The following TMEM33 variants were observed in gnomAD, a reference collection of about 807,000 sequenced individuals.
TMEM33 encodes the protein transmembrane protein 33.
TMEM33 carries 16 observed loss-of-function variants against 29.7 expected under a neutral mutation model. The observed-to-expected ratio is 0.54, with a 90% CI of 0.36 to 0.82. The LOEUF (loss-of-function observed/expected upper bound fraction) is 0.82, where lower values mean the gene tolerates loss of function less well. Among genes scored for constraint, TMEM33 ranks in the 40% least tolerant of loss-of-function variants. TMEM33 has a pLI of 0.00. For synonymous variants in TMEM33, 112 were observed against 109.4 expected (o/e 1.02, Z -0.15); for missense variants, 252 against 295.3 (o/e 0.85, Z 1.08).
chr4:41,935,909 G>T (rs965080046), intron 1 of TMEM33, among the ~76,000 whole-genome samples: 2 of 152,206 alleles, frequency 1.3e-5, no homozygotes, highest in African/African-American at 4.8e-5. Flanking sequence ...ACGAGTGCCG[G>T]CAAAGAACGT....
At chr4:41,951,071 T>C (rs1212757944) in intron 6 of TMEM33, among the ~76,000 whole-genome samples, 1 of 146,628 alleles carries the variant, frequency 6.8e-6, no homozygotes. Flanking sequence ...ACACTTTTTT[T>C]AATTAAAGGT....
In TMEM33 at chr4:41,956,338, C is replaced by T. The variant is rs1342591925; in HGVS notation, c.*2139C>T. On this transcript the variant is annotated 3_prime_UTR_variant, in exon 7 of 7. Coordinates refer to ENST00000504986, the MANE Select transcript of TMEM33 (RefSeq NM_018126.3). ...TTTGCATACCCTTTACTCAGGTCCT[C>T]TCATGTTAACGTTTTACATAACTGT... is the stretch of plus-strand genomic sequence containing the variant. 6.6e-6 allele frequency: 1 copy of T among 152,116 alleles called. No individual in the cohort carries two copies. Among genetic ancestry groups the T allele is most frequent in the Non-Finnish European group, 1.5e-5 (1 of 68,022 alleles). The allele number at this position is 152,116 out of a possible 1,614,324, so 9.4% of individuals were successfully genotyped here. A position where few individuals can be genotyped will look rare whatever the true frequency, so the allele number is the denominator to read the frequency against.
intron 1 of TMEM33, among the ~76,000 whole-genome samples, chr4:41,936,731 G>C (rs73153224): frequency 0.16 from 23,722 of 152,096 alleles, 2,342 homozygotes; most frequent in African/African-American, 0.28. Context: ...CTTGTTTACT[G>C]CCTTTTAATC....
chr4:41,946,045 CA>C (rs1362885621), intron 5 of TMEM33, among the ~76,000 whole-genome samples: 9 of 143,430 alleles, frequency 6.3e-5, no homozygotes, highest in Non-Finnish European at 1.1e-4. Flanking sequence ...TGTATGTTTT[CA>C]TAACCTAATT....
intron 2 of TMEM33, 116 bp from the exon 3 acceptor site, chr4:41,939,080 T>A: frequency 1.0e-6 from 1 of 978,108 alleles, no homozygotes; most frequent in Middle Eastern, 3.0e-4. Context: ...TTCATGTAAT[T>A]TTTTTCTATT....
rs1178076288 is a variant in TMEM33 at position 41,959,322 on chromosome 4, T to G, written c.*5123T>G. ...CATGGGTTCTTTAGAAGGAACATAG[T>G]CAAGTGTGATGGATTAACTCTATAT... On this transcript the variant is annotated 3_prime_UTR_variant, in exon 7 of 7. Transcript: ENST00000504986. The G allele has an allele frequency of 6.6e-6, 1 of 151,878 alleles. No individual in the cohort carries two copies. Among genetic ancestry groups the G allele is most frequent in the Non-Finnish European group, 1.5e-5 (1 of 67,908 alleles). 9.4% of individuals were successfully genotyped at this position (151,878 alleles called of 1,614,324 possible).
intron 6 of TMEM33, among the ~76,000 whole-genome samples, chr4:41,949,663 A>C (rs534138723): frequency 1.3e-5 from 2 of 152,192 alleles, no homozygotes; most frequent in Non-Finnish European, 2.9e-5. Flanking sequence ...TTCCACTCTC[A>C]ACTTTCCTAG....
At chr4:41,943,565 GTTTAC>G (rs1304068053) in intron 3 of TMEM33, among the ~76,000 whole-genome samples, 177 bp from the exon 4 acceptor site, 3 of 151,872 alleles carry the variant, frequency 2.0e-5, no homozygotes, top group Non-Finnish European at 4.4e-5. Flanking sequence ...AAATGAAATA[GTTTAC>G]TTTCTTCTTT....
chr4:41,952,250 ATT>A (rs1713073841), intron 6 of TMEM33, among the ~76,000 whole-genome samples: 3 of 152,210 alleles, frequency 2.0e-5, no homozygotes, highest in Non-Finnish European at 2.9e-5. Context: ...GTTTTGGAAA[ATT>A]ATGCATTACT....
chr4:41,945,731 G>T (rs1318495352), intron 5 of TMEM33, among the ~76,000 whole-genome samples: 1 of 152,066 alleles, frequency 6.6e-6, no homozygotes, highest in Non-Finnish European at 1.5e-5. Context: ...AGCATTTTGG[G>T]AGGCCAAAGT....
intron 6 of TMEM33, among the ~76,000 whole-genome samples, chr4:41,950,864 T>G (rs1450632685): frequency 6.6e-6 from 1 of 152,158 alleles, no homozygotes; most frequent in Non-Finnish European, 1.5e-5. Context: ...ATCATATTAG[T>G]ACATCTAGAA....
intron 1 of TMEM33, among the ~76,000 whole-genome samples, chr4:41,936,261 G>C (rs778651543): frequency 6.6e-6 from 1 of 152,194 alleles, no homozygotes; most frequent in African/African-American, 2.4e-5. Flanking sequence ...GCATCGATGG[G>C]CTGGCGCAGT....
rs1211739042 is a variant in TMEM33, at chr4:41,949,487, T to C, written c.614+102T>C. On this transcript the variant is annotated intron_variant, in intron 6 of 6. Coordinates refer to ENST00000504986, the MANE Select transcript of TMEM33 (RefSeq NM_018126.3). ...GTTACTTAGCTAATGTGTTAGACTT[T>C]AGAAGCAAGCAGTGTTTTTGTAAAT... The C allele has an allele frequency of 3.3e-6, 3 of 915,620 alleles. No homozygotes were observed. The East Asian group carries it at 8.1e-5, about 25-fold the overall frequency. The allele number at this position is 915,620 out of a possible 1,614,324, so 56.7% of individuals were successfully genotyped here.
rs2153127618 is a variant in TMEM33, at chr4:41,949,337, A to G, written c.566A>G (p.Tyr189Cys). ...AGTTTGCTCCAACCTTTTATATACT[A>G]TAGATTTCTTACCCTTCGATATTCG... ...QGSLLQPFIYYRFLTLRYSSR... is the reference protein window; with the variant it reads ...QGSLLQPFIYCRFLTLRYSSR... The change falls in exon 6 of 7, where the codon TAT (tyrosine) becomes TGT (cysteine). Residue 189 changes from tyrosine to cysteine, a missense_variant. Coordinates refer to ENST00000504986, the MANE Select transcript of TMEM33 (RefSeq NM_018126.3). 1.9e-6 allele frequency: 3 copies of G among 1,611,508 alleles called. No individual in the cohort carries two copies. The highest frequency in any genetic ancestry group is 2.5e-6 in the Non-Finnish European group (3 of 1,179,092).
At position 41,957,159 on chromosome 4, in the gene TMEM33, CTACTT is replaced by C. The variant is rs1265220299; in HGVS notation, c.*2963_*2967del. The C allele has an allele frequency of 1.3e-5, 2 of 151,792 alleles. No homozygotes were observed. Among genetic ancestry groups the C allele is most frequent in the Non-Finnish European group, 2.9e-5 (2 of 67,924 alleles). 9.4% of individuals were successfully genotyped at this position (151,792 alleles called of 1,614,324 possible). On this transcript the variant is annotated 3_prime_UTR_variant, in exon 7 of 7. Transcript: ENST00000504986. The stretch of plus-strand genomic sequence containing the variant: ...GATAGATGGAAGCCTTATACAAAAT[CTACTT>C]TATTTTAGCAAGGATTCTCTGTCCT...
In TMEM33 at chr4:41,945,285, C is replaced by G. The variant is rs181203989; in HGVS notation, c.530+359C>G. 4.4e-3 allele frequency among the ~76,000 whole-genome samples: 671 copies of G among 152,198 alleles called. 7 individuals carry two copies. Among genetic ancestry groups the G allele is most frequent in the African/African-American group, 0.015 (625 of 41,538 alleles). ...AAATTATGTTCTTATATTAATAGTG[C>G]CTACTATCACCTTATTTTGTTTGTA... On this transcript the variant is annotated intron_variant, in intron 5 of 6. Coordinates refer to ENST00000504986, the MANE Select transcript of TMEM33 (RefSeq NM_018126.3).
intron 6 of TMEM33, among the ~76,000 whole-genome samples, chr4:41,951,064 CT>C (rs60727055): frequency 1.3e-5 from 2 of 151,844 alleles, no homozygotes; most frequent in African/African-American, 4.8e-5. Flanking sequence ...CAGTACTACA[CT>C]TTTTTTAATT....
At chr4:41,939,133 A>G (rs1712391857) in intron 2 of TMEM33, 63 bp from the exon 3 acceptor site, 5 of 1,470,312 alleles carry the variant, frequency 3.4e-6, no homozygotes, top group African/African-American at 1.4e-5. Flanking sequence ...GCAATTCACA[A>G]AGGAGGAAGA....
At chr4:41,940,857 C>T (rs1020986577) in intron 3 of TMEM33, among the ~76,000 whole-genome samples, 9 of 147,062 alleles carry the variant, frequency 6.1e-5, no homozygotes, top group African/African-American at 2.2e-4. Context: ...CTTTGTAGCA[C>T]TCTGAAAAAA....
Sources: allele counts gnomAD v4.1 joint callset (sites outside exome capture counted in the v4.1 genomes callset), GRCh38; gene constraint gnomAD v4.1.1; transcripts MANE v1.5; gene names NCBI Gene and HGNC (gene_info 2026-07-23, HGNC 2026-07-21).